TBC1D30: variants seen among roughly 807,000 people sequenced by gnomAD.
TBC1D30 encodes TBC1 domain family, member 30.
A neutral mutation model predicts 63.2 loss-of-function variants in TBC1D30; 31 were observed. The observed-to-expected ratio is 0.49, with a 90% CI of 0.37 to 0.66. The LOEUF (loss-of-function observed/expected upper bound fraction) is 0.66. Ranked by LOEUF, TBC1D30 falls within the 30% of genes least tolerant of loss-of-function variation. The probability of loss-of-function intolerance (pLI) is 0.00; values close to 1 mark genes in which losing one functional copy is unlikely to be tolerated. For missense variants in TBC1D30, 810 were observed against 953.6 expected (o/e 0.85, Z 1.98); for synonymous variants, 307 against 361.5 (o/e 0.85, Z 1.71).
chr12:64,803,413 G>A (rs1872694700), intron 2 of TBC1D30, among the ~76,000 whole-genome samples: 1 of 152,034 alleles, frequency 6.6e-6, no homozygotes, highest in South Asian at 2.1e-4. Flanking sequence ...TTGTCAGATG[G>A]GTAGATTGCA....
chr12:64,760,120 C>T (rs1870445158), intron 1 of TBC1D30, among the ~76,000 whole-genome samples: 1 of 152,168 alleles, frequency 6.6e-6, no homozygotes, highest in African/African-American at 2.4e-5. Flanking sequence ...TAAACACCCT[C>T]TTGGAACATG....
At chr12:64,846,155 T>G (rs1876360011) in intron 8 of TBC1D30, among the ~76,000 whole-genome samples, 1 of 151,674 alleles carries the variant, frequency 6.6e-6, no homozygotes, top group African/African-American at 2.4e-5. Context: ...TTGAGTTGTC[T>G]CTTTATGTTG....
In TBC1D30 at chr12:64,802,985, G is replaced by C. The variant is rs1343681657; in HGVS notation, c.643+16940G>C. 7.9e-5 allele frequency among the ~76,000 whole-genome samples: 12 copies of C among 152,176 alleles called. 1 individual carries two copies. Among genetic ancestry groups the C allele is most frequent in the Non-Finnish European group, 1.8e-4 (12 of 68,044 alleles). Reference sequence around the variant, plus strand: ...TGTGCATGTGTCTTTATAGCAGCATGATTTATAATCCTATGGGTATATACC... The same window carrying C: ...TGTGCATGTGTCTTTATAGCAGCATCATTTATAATCCTATGGGTATATACC... On this transcript the variant is annotated intron_variant, in intron 2 of 12. Transcript: ENST00000542120.
chr12:64,792,560 G>A (rs1195102599), intron 2 of TBC1D30, among the ~76,000 whole-genome samples: 1 of 152,074 alleles, frequency 6.6e-6, no homozygotes, highest in Non-Finnish European at 1.5e-5. Flanking sequence ...TATGCTTTAG[G>A]CTAGTTATTA....
At chr12:64,794,399 T>C (rs932140820) in intron 2 of TBC1D30, among the ~76,000 whole-genome samples, 1 of 152,156 alleles carries the variant, frequency 6.6e-6, no homozygotes, top group Non-Finnish European at 1.5e-5. Flanking sequence ...TCTGGGGTTC[T>C]ATTGTTTGGC....
At chr12:64,861,328 GA>G (rs1337570270) in intron 8 of TBC1D30, among the ~76,000 whole-genome samples, 1 of 152,136 alleles carries the variant, frequency 6.6e-6, no homozygotes, top group Non-Finnish European at 1.5e-5. Context: ...AGTTTTCCTT[GA>G]CATCATAGAA....
chr12:64,772,574 C>T (rs529061930), intron 1 of TBC1D30, among the ~76,000 whole-genome samples: 28 of 152,162 alleles, frequency 1.8e-4, no homozygotes, highest in Admixed American at 4.6e-4. Context: ...GGATTACAGG[C>T]GCCTGCCTCC....
At chr12:64,784,208 A>G (rs942675086) in intron 1 of TBC1D30, among the ~76,000 whole-genome samples, 2 of 152,012 alleles carry the variant, frequency 1.3e-5, no homozygotes, top group Non-Finnish European at 2.9e-5. Flanking sequence ...GTTTATAAAG[A>G]CCATACCCAT....
chr12:64,816,200 T>G (rs1394515480), intron 2 of TBC1D30, among the ~76,000 whole-genome samples: 2 of 152,034 alleles, frequency 1.3e-5, no homozygotes, highest in Non-Finnish European at 2.9e-5. Flanking sequence ...ACCTGGCTAA[T>G]TTTTGTATTT....
chr12:64,785,659 G>C (rs1871527497), intron 1 of TBC1D30, among the ~76,000 whole-genome samples: 1 of 152,130 alleles, frequency 6.6e-6, no homozygotes, highest in South Asian at 2.1e-4. Context: ...ATAGGCTTAA[G>C]GATAAATTTA....
At chr12:64,837,437 T>C (rs1209416123) in intron 6 of TBC1D30, among the ~76,000 whole-genome samples, 1 of 150,920 alleles carries the variant, frequency 6.6e-6, no homozygotes, top group Admixed American at 6.7e-5. Flanking sequence ...CTGGGGGTGA[T>C]GGGAGAAAGT....
chr12:64,870,376 C>A (rs1390705208), intron 10 of TBC1D30, among the ~76,000 whole-genome samples: 1 of 152,078 alleles, frequency 6.6e-6, no homozygotes, highest in Non-Finnish European at 1.5e-5. Flanking sequence ...AACTCTGAAC[C>A]CATATAGCTC....
In TBC1D30 at chr12:64,879,466, T is replaced by C. The variant is rs1879317680; in HGVS notation, c.*3678T>C. 6.6e-6 allele frequency: 1 copy of C among 152,222 alleles called. No individual in the cohort carries two copies. Among genetic ancestry groups the C allele is most frequent in the African/African-American group, 2.4e-5 (1 of 41,454 alleles). 9.4% of individuals were successfully genotyped at this position (152,222 alleles called of 1,614,324 possible). On this transcript the variant is annotated 3_prime_UTR_variant, in exon 12 of 12. Transcript: ENST00000539867. Reference sequence around the variant, plus strand: ...TCAGGAAATATGTCCATTTTTAAGATACATATATCTCCAAATTGCCATTCT... The same window carrying C: ...TCAGGAAATATGTCCATTTTTAAGACACATATATCTCCAAATTGCCATTCT...
chr12:64,842,829 C>T (rs774286597), intron 7 of TBC1D30, among the ~76,000 whole-genome samples: 1 of 150,902 alleles, frequency 6.6e-6, no homozygotes, highest in Non-Finnish European at 1.5e-5. Flanking sequence ...AATAAAGATG[C>T]CACAGGTGGG....
chr12:64,868,332 A>G (rs117166698), intron 10 of TBC1D30: 4,146 of 162,064 alleles, frequency 0.026, 87 homozygotes, highest in Non-Finnish European at 0.039. Context: ...GCTGAGCTTA[A>G]CAAAGATTCC....
At chr12:64,767,777 A>C (rs1301159493) in intron 1 of TBC1D30, among the ~76,000 whole-genome samples, 9 of 46,554 alleles carry the variant, frequency 1.9e-4, no homozygotes, top group African/African-American at 6.4e-4. Flanking sequence ...GATAAGATAC[A>C]CATGCTCCGG....
At chr12:64,775,903 A>G (rs1347087121), upstream of TBC1D30, among the ~76,000 whole-genome samples, 1 of 152,252 alleles carries the variant, frequency 6.6e-6, no homozygotes, top group Admixed American at 6.5e-5. Context: ...CAGCAAATGC[A>G]AAAGACCTGA....
exon 1 of TBC1D30, chr12:64,780,891 T>C (rs1323617239): frequency 9.7e-7 from 1 of 1,025,852 alleles, no homozygotes; most frequent in Non-Finnish European, 1.2e-6. Context: ...GAGGCGAGGC[T>C]GGAGAGTCAG....
At chr12:64,864,344 CAT>C (rs1425010330) in intron 8 of TBC1D30, among the ~76,000 whole-genome samples, 3 of 152,286 alleles carry the variant, frequency 2.0e-5, no homozygotes, top group Non-Finnish European at 4.4e-5. Context: ...ATACAGAAGA[CAT>C]AGGGAGCTGT....
Sources: gnomAD v4.1 joint callset for allele counts (sites outside exome capture counted in the v4.1 genomes callset) on GRCh38, gnomAD v4.1.1 for gene constraint, MANE v1.5 for transcripts, NCBI Gene and HGNC (gene_info 2026-07-23, HGNC 2026-07-21) for gene names.